The following RACGAP1 variants were observed in gnomAD, a reference collection of about 807,000 sequenced individuals.
RACGAP1 encodes rac GTPase-activating protein 1.
A neutral mutation model predicts 78.1 loss-of-function variants in RACGAP1; 30 were observed. The ratio of observed to expected loss-of-function variants is 0.38; its 90% CI spans 0.29 to 0.52. The LOEUF (loss-of-function observed/expected upper bound fraction) is 0.52, where lower values mean the gene tolerates loss of function less well. Ranked by LOEUF, RACGAP1 falls within the 20% of genes least tolerant of loss-of-function variation. The pLI is 0.82. For missense variants in RACGAP1, 587 were observed against 777.1 expected (o/e 0.76, Z 2.91); for synonymous variants, 231 against 264.8 (o/e 0.87, Z 1.24).
intron 2 of RACGAP1, among the ~76,000 whole-genome samples, chr12:50,011,881 G>A (rs1452477942): frequency 4.6e-5 from 7 of 150,728 alleles, no homozygotes; most frequent in Non-Finnish European, 1.0e-4. Context: ...GTGAATCTGG[G>A]AGGCGGAGCT....
intron 3 of RACGAP1, 55 bp downstream of exon 3, chr12:50,006,379 C>T (rs1432118351): frequency 6.3e-7 from 1 of 1,588,038 alleles, no homozygotes; most frequent in Non-Finnish European, 8.6e-7. Flanking sequence ...AACTGTCAGA[C>T]AATGCCTTCC....
At chr12:50,030,485 T>C (rs553917394), upstream of RACGAP1, among the ~76,000 whole-genome samples, 11 of 152,094 alleles carry the variant, frequency 7.2e-5, no homozygotes, top group African/African-American at 2.7e-4. Flanking sequence ...GCCAGGAGTT[T>C]GAAAACAGCC....
rs574731380 is a variant in RACGAP1 at position 49,991,900 on chromosome 12, T to C, written c.1714+98A>G. 4.3e-5 allele frequency: 67 copies of C among 1,551,380 alleles called. No individual in the cohort carries two copies. In the African/African-American group the frequency reaches 8.3e-4, roughly 19 times the overall value. On this transcript the variant is annotated intron_variant, in intron 15 of 16. Transcript: ENST00000312377. ...AATTATACAAATTTTCCTTTAATGT[T>C]AGAATTTTCAAACAGCTCTAGCAAA...
intron 1 of RACGAP1, among the ~76,000 whole-genome samples, chr12:50,032,481 C>T (rs990120135): frequency 2.0e-5 from 3 of 152,272 alleles, no homozygotes; most frequent in Admixed American, 2.0e-4. Context: ...CAATTCCTCT[C>T]AATCTCCTTC....
intron 1 of RACGAP1, chr12:50,031,878 AAAT>A (rs965540414): frequency 9.4e-4 from 297 of 315,694 alleles, no homozygotes; most frequent in East Asian, 2.1e-3. Flanking sequence ...CTATAAATGG[AAAT>A]AATAATAATA....
At chr12:50,007,726 G>C (rs931587318) in intron 2 of RACGAP1, among the ~76,000 whole-genome samples, 1 of 151,982 alleles carries the variant, frequency 6.6e-6, no homozygotes, top group Non-Finnish European at 1.5e-5. Context: ...ATTTGTTCCA[G>C]AAAAACCAAG....
intron 1 of RACGAP1, chr12:50,020,993 T>A (rs562789089): frequency 2.6e-6 from 1 of 386,866 alleles, no homozygotes; most frequent in South Asian, 1.1e-4. Flanking sequence ...GACAAAAATA[T>A]CTTTCTATAT....
chr12:49,999,571 G>C (rs1948521344), intron 8 of RACGAP1, 45 bp downstream of exon 8: 1 of 1,527,856 alleles, frequency 6.5e-7, no homozygotes, highest in African/African-American at 1.4e-5. Flanking sequence ...CCAAAATTTT[G>C]CTAGTTGTTT....
intron 1 of RACGAP1, chr12:50,018,433 G>C: frequency 1.2e-6 from 1 of 834,448 alleles, no homozygotes; most frequent in Non-Finnish European, 1.7e-6. Context: ...AAAACTAAAA[G>C]GATAGCATTA....
At chr12:49,990,910 CA>C in intron 15 of RACGAP1, 118 bp from the exon 16 acceptor site, 2 of 688,426 alleles carry the variant, frequency 2.9e-6, no homozygotes, top group Middle Eastern at 2.5e-4. Context: ...AGACATCTAG[CA>C]AAGTCCCAGA....
intron 2 of RACGAP1, among the ~76,000 whole-genome samples, chr12:50,012,331 C>T (rs890513926): frequency 6.6e-6 from 1 of 151,690 alleles, no homozygotes; most frequent in South Asian, 2.1e-4. Flanking sequence ...GAGGCTGAGG[C>T]GGGTGGTTCA....
In RACGAP1 at chr12:50,005,112, T is replaced by TC; in HGVS notation, c.425+143dup. The TC allele has an allele frequency of 3.6e-6, 4 of 1,121,096 alleles. No homozygotes were observed. The South Asian group carries it at 6.4e-5, about 18-fold the overall frequency. The allele number at this position is 1,121,096 out of a possible 1,614,324, so 69.4% of individuals were successfully genotyped here. A position where few individuals can be genotyped will look rare whatever the true frequency, so the allele number is the denominator to read the frequency against. ...TACAGGGACATCCCTGTGCCTTTAT[T>TC]CCCCACCTACTCTCCCCACAAAATC... On this transcript the variant is annotated intron_variant, in intron 4 of 16. Transcript: ENST00000312377.
chr12:49,996,366 C>T (rs1052460091), intron 10 of RACGAP1, among the ~76,000 whole-genome samples: 3 of 151,296 alleles, frequency 2.0e-5, no homozygotes, highest in East Asian at 3.9e-4. Context: ...CGGTGGCTCA[C>T]GCCTGTAGTC....
At chr12:50,031,699 T>A (rs1950337646) in exon 2 of RACGAP1, 1 of 985,166 alleles carries the variant, frequency 1.0e-6, no homozygotes, top group Non-Finnish European at 1.2e-6. Context: ...CTACTCACCC[T>A]CTAGACAGTT....
chr12:50,028,359 G>C (rs907128610), upstream of RACGAP1, among the ~76,000 whole-genome samples: 2 of 152,184 alleles, frequency 1.3e-5, no homozygotes, highest in Non-Finnish European at 2.9e-5. Context: ...CAGATCTCTT[G>C]TGTGTGCCCA....
chr12:49,990,875 T>A, intron 15 of RACGAP1, 83 bp from the exon 16 acceptor site: 1 of 1,016,192 alleles, frequency 9.8e-7, no homozygotes, highest in Non-Finnish European at 1.5e-6. Context: ...CTGATTACCC[T>A]CTGAAGCACT....
At chr12:50,026,692 C>G (rs1351799589), upstream of RACGAP1, among the ~76,000 whole-genome samples, 1 of 152,102 alleles carries the variant, frequency 6.6e-6, no homozygotes, top group Non-Finnish European at 1.5e-5. Context: ...AAATTTGACT[C>G]CACTTTTATT....
rs147242355 is a variant in RACGAP1, at chr12:50,005,340, C to T, written c.341G>A (p.Ser114Asn). The T allele has an allele frequency of 6.2e-7, 1 of 1,614,222 alleles. No individual in the cohort carries two copies. The highest frequency in any genetic ancestry group is 1.1e-5 in the South Asian group (1 of 91,088). The change falls in exon 4 of 17, where the codon AGC (serine) becomes AAC (asparagine). Residue 114 changes from serine (S) to asparagine (N), a missense_variant. Transcript: ENST00000312377. ...TTTTTGCTCCTCGCTTAGTTGAATG[C>T]TGCCAGATGTGTCACACATGAGCAT... Reference protein sequence around the residue: ...REMLMCDTSGSIQLSEEQKSA... With the variant: ...REMLMCDTSGNIQLSEEQKSA...
chr12:50,033,159 C>T (rs1030901540), upstream of RACGAP1: 3 of 152,578 alleles, frequency 2.0e-5, no homozygotes. Flanking sequence ...TCTCACTTGC[C>T]CTCTGGAGGT....
Sources: allele counts gnomAD v4.1 joint callset (sites outside exome capture counted in the v4.1 genomes callset), GRCh38; gene constraint gnomAD v4.1.1; transcripts MANE v1.5; gene names NCBI Gene and HGNC (gene_info 2026-07-23, HGNC 2026-07-21).